Variants in NKTR observed in about 807,000 individuals in gnomAD.
NKTR encodes the protein NK-tumor recognition protein.
In NKTR, 67 loss-of-function variants were observed where a neutral mutation model predicts 156.3. The ratio of observed to expected loss-of-function variants is 0.43; its 90% CI spans 0.35 to 0.53. The LOEUF (loss-of-function observed/expected upper bound fraction) is 0.53, where lower values mean the gene tolerates loss of function less well. NKTR is among the 20% of genes least tolerant of loss of function. NKTR has a pLI of 0.01. For synonymous variants in NKTR, 640 were observed against 596.6 expected (o/e 1.07, Z -1.06); for missense variants, 1,604 against 1,730.9 (o/e 0.93, Z 1.30).
chr3:42,627,339 T>C (rs1708482822), intron 6 of NKTR: 1 of 985,292 alleles, frequency 1.0e-6, no homozygotes, highest in Non-Finnish European at 1.2e-6. Flanking sequence ...GCTTTATCTG[T>C]ATAGCAGCAG....
intron 2 of NKTR, among the ~76,000 whole-genome samples, chr3:42,607,023 A>G (rs1241747486): frequency 6.6e-6 from 1 of 151,160 alleles, no homozygotes; most frequent in Non-Finnish European, 1.5e-5. Flanking sequence ...TGGTGACTGT[A>G]GTTTACCCTC....
At chr3:42,620,666 C>A in intron 5 of NKTR, 1 of 983,852 alleles carries the variant, frequency 1.0e-6, no homozygotes. Flanking sequence ...CAAGGATATT[C>A]CTGCTGGAAT....
chr3:42,621,197 G>T (rs1258450380), intron 5 of NKTR: 1 of 1,128,582 alleles, frequency 8.9e-7, no homozygotes, highest in Non-Finnish European at 1.1e-6. Flanking sequence ...AAGGCTGTTT[G>T]TGTGAAGTAT....
At chr3:42,601,232 G>A (rs574131702) in intron 2 of NKTR, 168 bp downstream of exon 2, 48 of 525,148 alleles carry the variant, frequency 9.1e-5, no homozygotes, top group Middle Eastern at 5.2e-4. Flanking sequence ...GGTGGCCTGG[G>A]CACACCCCTA....
chr3:42,643,211 C>A (rs1710045130), intron 14 of NKTR, 128 bp from the exon 15 acceptor site: 4 of 715,534 alleles, frequency 5.6e-6, no homozygotes, highest in South Asian at 2.1e-5. Context: ...GATATGAAAA[C>A]AAAACAAATG....
At chr3:42,610,056 T>A (rs957439168) in intron 2 of NKTR, among the ~76,000 whole-genome samples, 2 of 152,024 alleles carry the variant, frequency 1.3e-5, no homozygotes, top group Non-Finnish European at 2.9e-5. Flanking sequence ...CAGGCTGGAG[T>A]GCAAAATGGT....
intron 8 of NKTR, among the ~76,000 whole-genome samples, chr3:42,632,365 C>T (rs774476328): frequency 1.7e-4 from 26 of 152,048 alleles, no homozygotes; most frequent in African/African-American, 5.1e-4. Context: ...GTCACTGCAC[C>T]GGGCCTATTT....
intron 6 of NKTR, among the ~76,000 whole-genome samples, chr3:42,622,340 G>C (rs1245156069): frequency 6.6e-6 from 1 of 152,020 alleles, no homozygotes; most frequent in Non-Finnish European, 1.5e-5. Context: ...TGTCCAGCAT[G>C]AGGGTTATTG....
intron 2 of NKTR, among the ~76,000 whole-genome samples, chr3:42,604,913 C>T (rs1383803840): frequency 6.6e-6 from 1 of 151,734 alleles, no homozygotes; most frequent in East Asian, 1.9e-4. Flanking sequence ...TGGTCTTGAA[C>T]TCCTGGGCCC....
At chr3:42,612,929 G>A (rs1706983419) in intron 2 of NKTR, among the ~76,000 whole-genome samples, 1 of 152,052 alleles carries the variant, frequency 6.6e-6, no homozygotes, top group Admixed American at 6.5e-5. Flanking sequence ...GGTATGTAGT[G>A]AATAATTTTA....
In NKTR at chr3:42,637,631, T is replaced by G. The variant is rs765260009; in HGVS notation, c.1927T>G (p.Leu643Val). 2 of 1,611,386 alleles carry G rather than the reference T, an allele frequency of 1.2e-6. No individual in the cohort carries two copies. The highest frequency in any genetic ancestry group is 1.3e-5 in the African/African-American group (1 of 74,538). Reference sequence around the variant, plus strand: ...GGAAATGAAAGCTAAAACAACCCATTTGCTACCCATCCAAAGCACTTACAG... The same window carrying G: ...GGAAATGAAAGCTAAAACAACCCATGTGCTACCCATCCAAAGCACTTACAG... ...IQEMKAKTTH[L>V]LPIQSTYSLA... The change falls in exon 13 of 17, where the codon TTG (leucine) becomes GTG (valine). Residue 643 changes from leucine (L) to valine (V), a missense_variant. Coordinates refer to ENST00000232978, the MANE Select transcript of NKTR (RefSeq NM_005385.4).
intron 7 of NKTR, 150 bp from the exon 8 acceptor site, chr3:42,631,021 T>C: frequency 7.1e-7 from 1 of 1,416,522 alleles, no homozygotes. Context: ...AGATTTCAAG[T>C]TCTCATTCCA....
intron 5 of NKTR, chr3:42,620,193 T>A: frequency 7.8e-7 from 1 of 1,283,162 alleles, no homozygotes; most frequent in Admixed American, 3.7e-5. Context: ...CATACATGCT[T>A]CTGTATCTTT....
intron 10 of NKTR, 65 bp from the exon 11 acceptor site, chr3:42,634,548 T>A: frequency 1.1e-6 from 1 of 885,424 alleles, no homozygotes; most frequent in Non-Finnish European, 1.7e-6. Flanking sequence ...ATAATGTGTT[T>A]TCATTATTAA....
At chr3:42,627,539 C>T in intron 6 of NKTR, 1 of 984,946 alleles carries the variant, frequency 1.0e-6, no homozygotes, top group Non-Finnish European at 1.2e-6. Flanking sequence ...AAAAGGTTCT[C>T]TGATAATGGT....
intron 13 of NKTR, 140 bp downstream of exon 13, chr3:42,639,890 G>A (rs1709733793): frequency 2.8e-6 from 2 of 727,104 alleles, no homozygotes; most frequent in African/African-American, 1.8e-5. Context: ...GTGATTCAGA[G>A]AGTAGATTGA....
At chr3:42,634,827 G>A in intron 11 of NKTR, 127 bp downstream of exon 11, 1 of 583,766 alleles carries the variant, frequency 1.7e-6, no homozygotes, top group Non-Finnish European at 3.0e-6. Flanking sequence ...TATTTTCCAT[G>A]GTTATGGGAA....
chr3:42,632,434 A>G, intron 8 of NKTR, 167 bp from the exon 9 acceptor site: 1 of 575,904 alleles, frequency 1.7e-6, no homozygotes, highest in Non-Finnish European at 3.1e-6. Context: ...TTACTACCTT[A>G]CAATCTTGCC....
chr3:42,633,633 A>T lies in NKTR; in HGVS notation c.827A>T (p.Lys276Ile), dbSNP rs1709118103. The T allele has an allele frequency of 1.9e-6, 3 of 1,614,090 alleles. No individual in the cohort carries two copies. The highest frequency in any genetic ancestry group is 3.3e-5 in the Admixed American group (2 of 60,010). The stretch of plus-strand genomic sequence containing the variant: ...AAAAGGTCAGTTGATTCCAGTGCTA[A>T]AAGGGAAAAACCTGTGGTCCGCCCA... ...NEKRSVDSSAKREKPVVRPEE... is the reference protein window; with the variant it reads ...NEKRSVDSSAIREKPVVRPEE... The change falls in exon 10 of 17, where the codon AAA becomes ATA. Residue 276 changes from lysine to isoleucine, a missense_variant. This residue lies in a region of NKTR where 1,255 missense variants were observed against 1,243.7 expected (regional missense o/e 1.01). Transcript: ENST00000232978.
Sources: allele counts gnomAD v4.1 joint callset (sites outside exome capture counted in the v4.1 genomes callset), GRCh38; gene constraint gnomAD v4.1.1; regional missense constraint gnomAD v4.1.1; transcripts MANE v1.5; gene names NCBI Gene and HGNC (gene_info 2026-07-23, HGNC 2026-07-21).